COL14A1: variants seen among roughly 807,000 people sequenced by gnomAD.
COL14A1 encodes collagen alpha-1(XIV) chain.
In COL14A1, 136 loss-of-function variants were observed where a neutral mutation model predicts 230.3. The observed-to-expected ratio is 0.59, with a 90% CI of 0.51 to 0.68. The LOEUF (loss-of-function observed/expected upper bound fraction) is 0.68. COL14A1 is among the 30% of genes least tolerant of loss of function. COL14A1 has a pLI of 0.00. For synonymous variants in COL14A1, 792 were observed against 784.1 expected (o/e 1.01, Z -0.17); for missense variants, 1,976 against 2,215.8 (o/e 0.89, Z 2.17).
Position 120,369,343 on chromosome 8 carries a change from G to C in COL14A1, c.5169G>C (p.Glu1723Asp), listed in dbSNP as rs1823509181. The C allele has an allele frequency of 1.3e-6, 2 of 1,589,042 alleles. No individual in the cohort carries two copies. The highest frequency in any genetic ancestry group is 2.7e-5 in the African/African-American group (2 of 73,918). ...GGTACTTCTTAGGACCTTCAGGGGA[G>C]AGTCGGCCTGGCAGCCCTGGGCCCC... Reference protein sequence around the residue: ...GPPGPAGPSGESRPGSPGPPG... With the variant: ...GPPGPAGPSGDSRPGSPGPPG... Residue 1723 changes from glutamate (E) to aspartate (D), a missense_variant, in exon 47 of 48, where the codon GAG (glutamate) becomes GAC (aspartate). Coordinates refer to ENST00000297848, the MANE Select transcript of COL14A1 (RefSeq NM_021110.4).
At chr8:120,264,792 A>C (rs1326165028) in intron 24 of COL14A1, among the ~76,000 whole-genome samples, 1 of 152,100 alleles carries the variant, frequency 6.6e-6, no homozygotes, top group African/African-American at 2.4e-5. Flanking sequence ...ATGTGCGCTT[A>C]AGTTGGCTAC....
At chr8:120,364,658 G>A (rs1291161769) in intron 45 of COL14A1, among the ~76,000 whole-genome samples, 2 of 152,086 alleles carry the variant, frequency 1.3e-5, no homozygotes, top group East Asian at 1.9e-4. Flanking sequence ...TAAGGTGGGC[G>A]GATCATTTGA....
chr8:120,243,670 C>A (rs1347919628), intron 19 of COL14A1, among the ~76,000 whole-genome samples: 2 of 149,414 alleles, frequency 1.3e-5, no homozygotes, highest in Non-Finnish European at 2.9e-5. Flanking sequence ...CAAATTTAAA[C>A]CTTCTGTATT....
chr8:120,312,327 T>G (rs923875774), intron 37 of COL14A1, among the ~76,000 whole-genome samples: 10 of 152,128 alleles, frequency 6.6e-5, no homozygotes, highest in Admixed American at 2.6e-4. Context: ...AACCCACATA[T>G]GCTTCCTCTT....
chr8:120,158,939 A>G (rs1391406022), intron 3 of COL14A1, among the ~76,000 whole-genome samples: 4 of 152,184 alleles, frequency 2.6e-5, no homozygotes, highest in South Asian at 2.1e-4. Context: ...CCTCTGCTAC[A>G]TGGTTGTTAT....
chr8:120,222,796 T>C (rs188571743), intron 14 of COL14A1, among the ~76,000 whole-genome samples: 3 of 152,176 alleles, frequency 2.0e-5, no homozygotes, highest in Non-Finnish European at 4.4e-5. Flanking sequence ...CAACATACAG[T>C]GGTGAAGAAA....
chr8:120,321,497 G>A (rs912226631), intron 40 of COL14A1, among the ~76,000 whole-genome samples: 1 of 151,968 alleles, frequency 6.6e-6, no homozygotes, highest in African/African-American at 2.4e-5. Context: ...AAAAAAAATA[G>A]CTTGGCATGG....
chr8:120,277,959 G>C, intron 26 of COL14A1, 152 bp from the exon 27 acceptor site: 1 of 618,166 alleles, frequency 1.6e-6, no homozygotes, highest in Non-Finnish European at 2.6e-6. Flanking sequence ...CTTCAAATTT[G>C]GTATGTAACT....
chr8:120,193,872 C>A lies in COL14A1; in HGVS notation c.437-2919C>A, dbSNP rs536571785. Among the ~76,000 whole-genome samples, 4 of 152,320 alleles carry A rather than the reference C, an allele frequency of 2.6e-5. No individual in the cohort carries two copies. In the East Asian group the frequency reaches 7.7e-4, roughly 29 times the overall value. On this transcript the variant is annotated intron_variant, in intron 5 of 47. Coordinates refer to ENST00000297848, the MANE Select transcript of COL14A1 (RefSeq NM_021110.4). Reference sequence around the variant, plus strand: ...CCGAGCCAGGTGTGGGATATAATCTCCTGTAGCACCGTTTTTTAAGCCCCT... The same window carrying A: ...CCGAGCCAGGTGTGGGATATAATCTACTGTAGCACCGTTTTTTAAGCCCCT...
chr8:120,235,550 A>T (rs1434286414), intron 19 of COL14A1, among the ~76,000 whole-genome samples: 20 of 151,852 alleles, frequency 1.3e-4, no homozygotes, highest in Middle Eastern at 3.2e-3. Context: ...TATTTTTTTA[A>T]TCTTTTCAAA....
At position 120,300,792 on chromosome 8, in the gene COL14A1, G is replaced by A. The variant is rs903830731; in HGVS notation, c.4375G>A (p.Val1459Met). The A allele has an allele frequency of 5.0e-6, 8 of 1,613,500 alleles. No homozygotes were observed. In the Admixed American group the frequency reaches 6.7e-5, roughly 13 times the overall value. ...HSCSCSETNE[V>M]ALGPAGPPGG... Reference sequence around the variant, plus strand: ...CTGCTCCTGTTCTGAAACCAATGAAGTGGCTCTGGGACCAGCGGGCCCACC... The same window carrying A: ...CTGCTCCTGTTCTGAAACCAATGAAATGGCTCTGGGACCAGCGGGCCCACC... The change falls in exon 36 of 48, where the codon GTG (valine) becomes ATG (methionine). Residue 1459 changes from valine (V) to methionine (M), a missense_variant. Transcript: ENST00000297848.
chr8:120,195,032 A>G (rs1275160138), intron 5 of COL14A1, among the ~76,000 whole-genome samples: 1 of 152,360 alleles, frequency 6.6e-6, no homozygotes, highest in East Asian at 1.9e-4. Flanking sequence ...AAGTGAATAC[A>G]CAAACTTTGG....
intron 42 of COL14A1, among the ~76,000 whole-genome samples, chr8:120,339,863 C>T (rs921278524): frequency 6.6e-6 from 1 of 152,040 alleles, no homozygotes. Flanking sequence ...CATGGTGAAA[C>T]CCCGTCTCTA....
At chr8:120,334,268 G>A (rs1250024369) in intron 42 of COL14A1, among the ~76,000 whole-genome samples, 2 of 152,162 alleles carry the variant, frequency 1.3e-5, no homozygotes, top group Non-Finnish European at 2.9e-5. Flanking sequence ...TACAGGTTAT[G>A]CACATACAAA....
Position 120,313,937 on chromosome 8 carries a change from A to G in COL14A1, c.4461A>G (p.Pro1487=). Residue 1487 remains proline (P), a synonymous_variant, in exon 38 of 48, where the codon CCA becomes CCG. Transcript: ENST00000297848. Reference sequence around the variant, plus strand: ...ACTTCTCTCTTGCCTTCCAGGGACCAGATGGCCCTCGGGGTGAAATTGGTC... The same window carrying G: ...ACTTCTCTCTTGCCTTCCAGGGACCGGATGGCCCTCGGGGTGAAATTGGTC... The part of the protein sequence containing the change: ...GQQGEPGPKG[P]DGPRGEIGLP... 6.2e-7 allele frequency: 1 copy of G among 1,610,870 alleles called. No homozygotes were observed. The highest frequency in any genetic ancestry group is 8.5e-7 in the Non-Finnish European group (1 of 1,178,124).
chr8:120,235,567 G>T (rs2130829207), intron 19 of COL14A1, among the ~76,000 whole-genome samples: 1 of 152,172 alleles, frequency 6.6e-6, no homozygotes, highest in South Asian at 2.1e-4. Flanking sequence ...CAAAAAACAA[G>T]CTCCTGGATT....
At chr8:120,249,579 C>T (rs191521961) in intron 21 of COL14A1, among the ~76,000 whole-genome samples, 3 of 152,240 alleles carry the variant, frequency 2.0e-5, no homozygotes, top group Non-Finnish European at 4.4e-5. Context: ...TTTAGGCCAG[C>T]GGTTCTCAGT....
chr8:120,338,513 G>A (rs1436388151), intron 42 of COL14A1, among the ~76,000 whole-genome samples: 2 of 152,030 alleles, frequency 1.3e-5, no homozygotes, highest in East Asian at 1.9e-4. Flanking sequence ...AATAATATAG[G>A]GTTGTTATAA....
intron 4 of COL14A1, among the ~76,000 whole-genome samples, chr8:120,162,967 T>C (rs1157951572): frequency 1.3e-5 from 2 of 152,188 alleles, no homozygotes; most frequent in Non-Finnish European, 2.9e-5. Flanking sequence ...TGTAACTCAA[T>C]GATTTTTATT....
Sources: allele counts gnomAD v4.1 joint callset (sites outside exome capture counted in the v4.1 genomes callset), GRCh38; gene constraint gnomAD v4.1.1; transcripts MANE v1.5; gene names NCBI Gene and HGNC (gene_info 2026-07-23, HGNC 2026-07-21).